SMYD3: variants seen among roughly 807,000 people sequenced by gnomAD.
SMYD3 encodes the protein histone-lysine N-methyltransferase SMYD3.
Under a neutral mutation model 57.7 loss-of-function variants are expected in SMYD3, and 36 were observed. The observed-to-expected ratio is 0.62, with a 90% CI of 0.48 to 0.82. The LOEUF (loss-of-function observed/expected upper bound fraction) is 0.82. Ranked by LOEUF, SMYD3 falls within the 40% of genes least tolerant of loss-of-function variation. The pLI is 0.00. For missense variants in SMYD3, 515 were observed against 538.8 expected (o/e 0.96, Z 0.44); for synonymous variants, 211 against 195.0 (o/e 1.08, Z -0.68).
intron 5 of SMYD3, among the ~76,000 whole-genome samples, chr1:246,291,550 A>T (rs2064691595): frequency 6.6e-6 from 1 of 152,244 alleles, no homozygotes; most frequent in African/African-American, 2.4e-5. Flanking sequence ...CTTACACAGT[A>T]CAGGAAAGGA....
chr1:245,924,637 T>A (rs561320402), intron 7 of SMYD3, among the ~76,000 whole-genome samples: 2 of 147,450 alleles, frequency 1.4e-5, no homozygotes, highest in South Asian at 4.3e-4. Flanking sequence ...TTTGTAAATG[T>A]CTGAGACTCT....
At chr1:245,877,321 G>A (rs1219770230) in intron 8 of SMYD3, among the ~76,000 whole-genome samples, 2 of 152,224 alleles carry the variant, frequency 1.3e-5, no homozygotes, top group Non-Finnish European at 2.9e-5. Flanking sequence ...GGGGAAAGGG[G>A]TGGAGATAAA....
chr1:245,931,163 C>A (rs2056693650), intron 5 of SMYD3, among the ~76,000 whole-genome samples: 1 of 152,106 alleles, frequency 6.6e-6, no homozygotes, highest in African/African-American at 2.4e-5. Flanking sequence ...GGATTTTGAG[C>A]CAAGGCATGA....
At chr1:246,270,368 T>C (rs779017898) in intron 5 of SMYD3, among the ~76,000 whole-genome samples, 83 of 152,322 alleles carry the variant, frequency 5.4e-4, no homozygotes, top group Middle Eastern at 6.8e-3. Flanking sequence ...CACTTTAGTG[T>C]TACTAAATCC....
At chr1:246,348,680 T>C (rs1362924375) in intron 2 of SMYD3, among the ~76,000 whole-genome samples, 1 of 152,124 alleles carries the variant, frequency 6.6e-6, no homozygotes, top group Non-Finnish European at 1.5e-5. Context: ...ACAGGTTCAA[T>C]CATACTCGAA....
chr1:246,429,655 G>C (rs769724798), intron 1 of SMYD3, among the ~76,000 whole-genome samples: 1 of 152,174 alleles, frequency 6.6e-6, no homozygotes. Flanking sequence ...TAAAAGAGTC[G>C]TCAGAGGCCT....
intron 1 of SMYD3, among the ~76,000 whole-genome samples, chr1:246,362,540 C>T (rs1029869387): frequency 2.4e-4 from 36 of 152,300 alleles, no homozygotes; most frequent in Admixed American, 9.1e-4. Flanking sequence ...GCTGCCATCT[C>T]GGCTCACTGC....
rs757112871 is a variant in SMYD3 at position 245,979,977 on chromosome 1, T to C, written c.532-50040A>G. ...GCGCAGCTTCTGCGTCAGACACCAG[T>C]CTAGTGGACATCGCACGCTAGCCCT... On this transcript the variant is annotated intron_variant, in intron 5 of 11. Coordinates refer to ENST00000490107, the MANE Select transcript of SMYD3 (RefSeq NM_001167740.2). 1.3e-3 allele frequency among the ~76,000 whole-genome samples: 203 copies of C among 152,348 alleles called. 6 individuals are homozygous for C. Among genetic ancestry groups the C allele is most frequent in the Non-Finnish European group, 1.2e-4 (8 of 68,036 alleles).
intron 1 of SMYD3, among the ~76,000 whole-genome samples, chr1:246,462,197 T>C: frequency 8.1e-6 from 1 of 122,854 alleles, no homozygotes; most frequent in Admixed American, 8.6e-5. Flanking sequence ...GTACAGTGCA[T>C]CCTCCCGCGG....
At chr1:246,258,507 T>A (rs1023114205) in intron 5 of SMYD3, among the ~76,000 whole-genome samples, 1 of 152,218 alleles carries the variant, frequency 6.6e-6, no homozygotes, top group Non-Finnish European at 1.5e-5. Context: ...AAACTCTTGG[T>A]TGCAATTTCT....
intron 5 of SMYD3, among the ~76,000 whole-genome samples, chr1:246,122,147 T>C (rs187174184): frequency 1.3e-5 from 2 of 152,232 alleles, no homozygotes; most frequent in Admixed American, 1.3e-4. Context: ...AGGTAGCTCA[T>C]GCCTGTAATC....
intron 5 of SMYD3, among the ~76,000 whole-genome samples, chr1:246,193,318 CATAGAA>C (rs74586946): frequency 0.07 from 10,617 of 152,164 alleles, 471 homozygotes; most frequent in South Asian, 0.17. Context: ...AACAAGATCA[CATAGAA>C]ATAGAAATAG....
intron 5 of SMYD3, among the ~76,000 whole-genome samples, chr1:246,190,600 A>G (rs1207074100): frequency 1.3e-5 from 2 of 151,140 alleles, no homozygotes; most frequent in Admixed American, 1.3e-4. Flanking sequence ...AAAAAAAAAA[A>G]AAAAAAAAGG....
At position 245,817,818 on chromosome 1, in the gene SMYD3, G is replaced by A. The variant is rs1337508238; in HGVS notation, c.1076+40678C>T. On this transcript the variant is annotated intron_variant, in intron 10 of 11. Coordinates refer to ENST00000490107, the MANE Select transcript of SMYD3 (RefSeq NM_001167740.2). ...ATCAGTGATGGAAGATGAAATGAAT[G>A]AAATGAAGTGAGAAGGGAAGTTTAG... Among the ~76,000 whole-genome samples, 8 of 152,262 alleles carry A rather than the reference G, an allele frequency of 5.3e-5. No individual in the cohort carries two copies. In the East Asian group the frequency reaches 1.5e-3, roughly 29 times the overall value.
chr1:245,793,318 A>C (rs2047381426), intron 10 of SMYD3, among the ~76,000 whole-genome samples: 1 of 152,020 alleles, frequency 6.6e-6, no homozygotes, highest in Non-Finnish European at 1.5e-5. Context: ...AAAACAACAA[A>C]AAAAGAAATA....
chr1:245,778,379 A>G (rs563199471), intron 10 of SMYD3, among the ~76,000 whole-genome samples: 1 of 152,246 alleles, frequency 6.6e-6, no homozygotes, highest in South Asian at 2.1e-4. Context: ...AATGTAGCCA[A>G]TTATTTTTTT....
chr1:246,215,178 A>C (rs1255393156), intron 5 of SMYD3, among the ~76,000 whole-genome samples: 4 of 152,160 alleles, frequency 2.6e-5, no homozygotes, highest in Admixed American at 6.5e-5. Context: ...TTCACTTCCA[A>C]TGGAGATCCG....
intron 5 of SMYD3, among the ~76,000 whole-genome samples, chr1:246,156,650 G>A (rs2062027105): frequency 6.6e-6 from 1 of 152,172 alleles, no homozygotes; most frequent in East Asian, 1.9e-4. Flanking sequence ...TAAGAGTCTA[G>A]TGGAGGAAAC....
chr1:246,016,192 A>G (rs2059373713), intron 5 of SMYD3, among the ~76,000 whole-genome samples: 1 of 151,824 alleles, frequency 6.6e-6, no homozygotes, highest in Non-Finnish European at 1.5e-5. Context: ...GCTTGAGCCC[A>G]GGAGTTCAAG....
Sources: gnomAD v4.1 joint callset for allele counts (sites outside exome capture counted in the v4.1 genomes callset) on GRCh38, gnomAD v4.1.1 for gene constraint, MANE v1.5 for transcripts, NCBI Gene and HGNC (gene_info 2026-07-23, HGNC 2026-07-21) for gene names.